PRKCZ: variants seen among roughly 807,000 people sequenced by gnomAD.
PRKCZ encodes protein kinase C zeta.
In PRKCZ, 33 loss-of-function variants were observed where a neutral mutation model predicts 79.5. That is an observed-to-expected ratio of 0.41 (90% CI 0.31 to 0.55). The LOEUF is 0.55. PRKCZ is among the 20% of genes least tolerant of loss of function. The probability of loss-of-function intolerance (pLI) is 0.19; values close to 1 mark genes in which losing one functional copy is unlikely to be tolerated. For missense variants in PRKCZ, 578 were observed against 813.5 expected, an observed-to-expected ratio of 0.71 and a Z score of 3.52; for synonymous variants, 342 against 320.9, an observed-to-expected ratio of 1.07 and a Z score of -0.70.
Position 2,175,009 on chromosome 1 carries a change from A to C in PRKCZ, c.1485+176A>C, listed in dbSNP as rs144182861. 3.4e-3 allele frequency among the ~76,000 whole-genome samples: 513 copies of C among 152,184 alleles called. 4 individuals carry two copies. The highest frequency in any genetic ancestry group is 0.012 in the African/African-American group (486 of 41,496). On this transcript the variant is annotated intron_variant, in intron 15 of 17. Coordinates refer to ENST00000378567, the MANE Select transcript of PRKCZ (RefSeq NM_002744.6). ...TTCTGTGAATCGTCCGTTTTTACTC[A>C]CACCTAACAAAATGAGAATGTGTGC...
chr1:2,158,572 G>A (rs1274088733), intron 10 of PRKCZ, among the ~76,000 whole-genome samples: 1 of 152,200 alleles, frequency 6.6e-6, no homozygotes, highest in Non-Finnish European at 1.5e-5. Flanking sequence ...TGCGATTTGG[G>A]AATACGCCCA....
intron 16 of PRKCZ, chr1:2,181,908 A>G (rs1035307968): frequency 2.2e-5 from 10 of 456,030 alleles, no homozygotes; most frequent in Non-Finnish European, 4.0e-5. Context: ...CTGTGCGCAC[A>G]CCACAGGTGA....
chr1:2,155,959 G>A (rs750434754), intron 9 of PRKCZ, 36 bp from the exon 10 acceptor site: 7 of 1,583,410 alleles, frequency 4.4e-6, no homozygotes, highest in African/African-American at 4.0e-5. Flanking sequence ...AGGAGCATTC[G>A]GGAGCCTCAT....
intron 4 of PRKCZ, chr1:2,074,276 G>A: frequency 6.5e-7 from 1 of 1,549,684 alleles, no homozygotes; most frequent in South Asian, 1.2e-5. Context: ...AGGACGGATG[G>A]TGTGTGGCCC....
intron 16 of PRKCZ, among the ~76,000 whole-genome samples, chr1:2,175,901 G>A (rs1685406270): frequency 6.6e-6 from 1 of 152,176 alleles, no homozygotes; most frequent in African/African-American, 2.4e-5. Flanking sequence ...GAGCACATTG[G>A]CTGTTGGTTC....
chr1:2,178,222 A>G lies in PRKCZ; in HGVS notation c.1575+2909A>G, dbSNP rs1295843711. Among the ~76,000 whole-genome samples, 2 of 152,188 alleles carry G rather than the reference A, an allele frequency of 1.3e-5. No individual in the cohort carries two copies. The highest frequency in any genetic ancestry group is 2.9e-5 in the Non-Finnish European group (2 of 68,034). On this transcript the variant is annotated intron_variant, in intron 16 of 17. Transcript: ENST00000378567. This position sits in a 1 kb window ranked among gnomAD's most constrained non-coding sequence, Gnocchi z 4.3. ...ACTCCAGCCTCTCCCCACACCCTGC[A>G]GTGGCTGCTCCGCCAGGCTGTGTGG... is the stretch of plus-strand genomic sequence containing the variant.
At chr1:2,099,918 A>T (rs58470845) in intron 4 of PRKCZ, among the ~76,000 whole-genome samples, 12,193 of 152,238 alleles carry the variant, frequency 0.08, 1,631 homozygotes, top group African/African-American at 0.27. Context: ...CCTCTGTGGG[A>T]AAAGACCAGA....
chr1:2,164,629 C>T (rs577756543), intron 10 of PRKCZ, among the ~76,000 whole-genome samples: 26 of 152,360 alleles, frequency 1.7e-4, no homozygotes, highest in African/African-American at 6.0e-4. Context: ...AGCCTAAAAC[C>T]ATGAGCGTTC....
In PRKCZ at chr1:2,172,194, C is replaced by A. The variant is rs371229010; in HGVS notation, c.1197+4C>A. On this transcript the variant is annotated splice_donor_region_variant and intron_variant, in intron 12 of 17. Coordinates refer to ENST00000378567, the MANE Select transcript of PRKCZ (RefSeq NM_002744.6). This position sits in a 1 kb window ranked among gnomAD's most constrained non-coding sequence, Gnocchi z 7.8. ...CACAGACTACGGCATGTGCAAGGTG[C>A]GTGCCTTGGACCGCCTCCCCTGACC... is the stretch of plus-strand genomic sequence containing the variant. 1.2e-6 allele frequency: 2 copies of A among 1,613,178 alleles called. No individual in the cohort carries two copies. The highest frequency in any genetic ancestry group is 3.3e-5 in the Admixed American group (2 of 59,998).
At chr1:2,056,383 G>GC in intron 2 of PRKCZ, 101 bp from the exon 3 acceptor site, 2 of 1,076,670 alleles carry the variant, frequency 1.9e-6, no homozygotes, top group Non-Finnish European at 2.7e-6. Context: ...TCGGGACTTT[G>GC]CCCCCCACCA....
At chr1:2,070,994 C>T (rs1476612845) in intron 4 of PRKCZ, among the ~76,000 whole-genome samples, 2 of 152,112 alleles carry the variant, frequency 1.3e-5, no homozygotes, top group Admixed American at 6.5e-5. Context: ...CCCACAGGGA[C>T]GTGGAGGGTG....
At chr1:2,175,427 C>T (rs952020651) in intron 16 of PRKCZ, 114 bp downstream of exon 16, 46 of 835,626 alleles carry the variant, frequency 5.5e-5, no homozygotes, top group Non-Finnish European at 8.1e-5. Context: ...CCACCCCATC[C>T]GAACCCCAAT....
At chr1:2,154,327 C>T (rs1680510752) in intron 9 of PRKCZ, among the ~76,000 whole-genome samples, 2 of 152,176 alleles carry the variant, frequency 1.3e-5, no homozygotes, top group East Asian at 1.9e-4. Flanking sequence ...TGGGAGCTCT[C>T]GGCGTGGAAA....
chr1:2,104,815 C>T lies in PRKCZ; in HGVS notation c.335-30447C>T, dbSNP rs766222902. On this transcript the variant is annotated intron_variant, in intron 4 of 17. Coordinates refer to ENST00000378567, the MANE Select transcript of PRKCZ (RefSeq NM_002744.6). ...GAGCACGAAAGGGAGAGTTGGAGGGCGCTTCCTCGCCGGGTGTTGCGGTGT... is the reference window on the plus strand; with the variant it reads ...GAGCACGAAAGGGAGAGTTGGAGGGTGCTTCCTCGCCGGGTGTTGCGGTGT... 3.8e-5 allele frequency: 37 copies of T among 985,762 alleles called. 1 individual carries two copies. The South Asian group carries it at 1.1e-3, about 29-fold the overall frequency. The allele number at this position is 985,762 out of a possible 1,614,324, so 61.1% of individuals were successfully genotyped here. A position where few individuals can be genotyped will look rare whatever the true frequency, so the allele number is the denominator to read the frequency against.
intron 16 of PRKCZ, among the ~76,000 whole-genome samples, chr1:2,179,808 G>A (rs1319403820): frequency 6.6e-6 from 1 of 152,124 alleles, no homozygotes; most frequent in Non-Finnish European, 1.5e-5. Flanking sequence ...GGGAGCCTCA[G>A]GACTTTCCCA....
At chr1:2,144,384 TC>T in intron 6 of PRKCZ, 43 bp downstream of exon 6, 1 of 1,544,576 alleles carries the variant, frequency 6.5e-7, no homozygotes, top group Non-Finnish European at 8.7e-7. Context: ...ACGGGCGGGG[TC>T]GGGGCGTGGC....
intron 4 of PRKCZ, among the ~76,000 whole-genome samples, chr1:2,118,520 G>A (rs1428371437): frequency 6.6e-6 from 1 of 151,224 alleles, no homozygotes; most frequent in Non-Finnish European, 1.5e-5. Context: ...TATATTTTTA[G>A]TAGAGACGAG....
In PRKCZ at chr1:2,149,029, C is replaced by A; in HGVS notation, c.687+105C>A. On this transcript the variant is annotated intron_variant, in intron 8 of 17. Coordinates refer to ENST00000378567, the MANE Select transcript of PRKCZ (RefSeq NM_002744.6). This position sits in a 1 kb window ranked among gnomAD's most constrained non-coding sequence, Gnocchi z 4.1. ...AATCTAGATGTGAAATAGACATGGT[C>A]CGGGGTGTTGCTAACTAATCTTCAC... 1 of 1,286,702 alleles carries A rather than the reference C, an allele frequency of 7.8e-7. No individual in the cohort carries two copies. The highest frequency in any genetic ancestry group is 1.1e-6 in the Non-Finnish European group (1 of 898,860). The allele number at this position is 1,286,702 out of a possible 1,614,324, so 79.7% of individuals were successfully genotyped here.
chr1:2,148,738 A>G lies in PRKCZ; in HGVS notation c.635-134A>G. On this transcript the variant is annotated intron_variant, in intron 7 of 17. Transcript: ENST00000378567. ...GCATTTTCAGAAGACTCTAAATTAG[A>G]ATCAGACATGGCTGCTGTGTGGATT... 7 of 833,394 alleles carry G rather than the reference A, an allele frequency of 8.4e-6. No individual in the cohort carries two copies. The South Asian group carries it at 1.2e-4, about 14-fold the overall frequency. 51.6% of individuals were successfully genotyped at this position (833,394 alleles called of 1,614,324 possible).
Sources: gnomAD v4.1 joint callset for allele counts (sites outside exome capture counted in the v4.1 genomes callset) on GRCh38, gnomAD v4.1.1 for gene constraint, Gnocchi (gnomAD v3.1) non-coding constraint, MANE v1.5 for transcripts, NCBI Gene and HGNC (gene_info 2026-07-23, HGNC 2026-07-21) for gene names.